The following UNC13A variants were observed in gnomAD, a reference collection of about 807,000 sequenced individuals.
UNC13A encodes the protein unc-13 homolog A, also known as protein unc-13 homolog A.
UNC13A carries 61 observed loss-of-function variants against 219.7 expected under a neutral mutation model. The observed-to-expected ratio is 0.28, with a 90% CI of 0.23 to 0.34. UNC13A has a LOEUF of 0.34. Among genes scored for constraint, UNC13A ranks in the 10% least tolerant of loss-of-function variants. The pLI, the probability that UNC13A is intolerant of heterozygous loss-of-function variation, is 1.00. For synonymous variants in UNC13A, 920 were observed against 884.6 expected (o/e 1.04, Z -0.71); for missense variants, 1,476 against 2,270.3 (o/e 0.65, Z 7.11).
chr19:17,656,747 G>C (rs994817174), intron 9 of UNC13A, among the ~76,000 whole-genome samples: 1 of 151,772 alleles, frequency 6.6e-6, no homozygotes, highest in Non-Finnish European at 1.5e-5. Context: ...AGCTACTCGG[G>C]AGGCTGAGGT....
At chr19:17,635,553 G>A (rs1185889558) in intron 26 of UNC13A, among the ~76,000 whole-genome samples, 2 of 152,048 alleles carry the variant, frequency 1.3e-5, no homozygotes, top group South Asian at 2.1e-4. Flanking sequence ...GTACAATATT[G>A]TACGTTGAAT....
chr19:17,679,811 GC>G (rs2079972027), intron 1 of UNC13A, among the ~76,000 whole-genome samples: 1 of 151,890 alleles, frequency 6.6e-6, no homozygotes. Flanking sequence ...CCCTTCTTGT[GC>G]CCCTCCCTTG....
At chr19:17,632,675 C>G (rs1218917682) in intron 28 of UNC13A, 107 bp downstream of exon 28, 9 of 1,538,190 alleles carry the variant, frequency 5.9e-6, no homozygotes, top group African/African-American at 1.4e-5. Context: ...CACCCATGCC[C>G]CTGATGCCCA....
intron 37 of UNC13A, among the ~76,000 whole-genome samples, chr19:17,621,026 G>A (rs756598557): frequency 8.5e-5 from 13 of 152,124 alleles, no homozygotes; most frequent in Non-Finnish European, 1.6e-4. Flanking sequence ...AGATGAGACA[G>A]GGCTAGGAAT....
chr19:17,686,313 C>T (rs768276290), intron 1 of UNC13A, among the ~76,000 whole-genome samples: 5 of 99,756 alleles, frequency 5.0e-5, no homozygotes, highest in South Asian at 6.7e-4. Context: ...CCCCCCCCCC[C>T]CCCCACTCCA....
At chr19:17,609,382 C>A (rs1363732490) in intron 43 of UNC13A, among the ~76,000 whole-genome samples, 1 of 151,974 alleles carries the variant, frequency 6.6e-6, no homozygotes, top group South Asian at 2.1e-4. Context: ...TGTGACCCCA[C>A]CTCCACCCCA....
In UNC13A at chr19:17,639,182, C is replaced by T; in HGVS notation, c.2982G>A (p.Gln994=). ...QELQSPPRAS[Q]VVKDCVKACL... ...AGGCTTTCACACAGTCCTTTACCAC[C>T]TGGCTGGCTCGGGGCGGGCTCTGGA... is the stretch of plus-strand genomic sequence containing the variant. Residue 994 remains glutamine, a synonymous_variant, in exon 25 of 44, where the codon CAG becomes CAA. Transcript: ENST00000519716. 6.2e-7 allele frequency: 1 copy of T among 1,613,978 alleles called. No homozygotes were observed. The highest frequency in any genetic ancestry group is 8.5e-7 in the Non-Finnish European group (1 of 1,179,926).
Position 17,627,662 on chromosome 19 carries a change from C to G in UNC13A, c.3832-65G>C. 2 of 1,402,264 alleles carry G rather than the reference C, an allele frequency of 1.4e-6. No individual in the cohort carries two copies. The highest frequency in any genetic ancestry group is 2.0e-6 in the Non-Finnish European group (2 of 1,011,082). 86.9% of individuals were successfully genotyped at this position (1,402,264 alleles called of 1,614,324 possible). On this transcript the variant is annotated intron_variant, in intron 32 of 43. Coordinates refer to ENST00000519716, the MANE Select transcript of UNC13A (RefSeq NM_001080421.3). The surrounding 1 kb of genome is among the most constrained non-coding windows in gnomAD (Gnocchi z 4.7). ...TATCCACATGTACTGGGCATTTTCT[C>G]ATCTGACCCAGGGAAAGGGATCCCA...
chr19:17,613,937 C>T (rs1172655383), intron 41 of UNC13A: 1 of 151,886 alleles, frequency 6.6e-6, no homozygotes, highest in Non-Finnish European at 1.5e-5. Flanking sequence ...GTCTCGATCT[C>T]TTGACCTGGT....
At position 17,674,240 on chromosome 19, in the gene UNC13A, C is replaced by T. The variant is rs1951810799; in HGVS notation, c.152+417G>A. Among the ~76,000 whole-genome samples, 1 of 152,010 alleles carries T rather than the reference C, an allele frequency of 6.6e-6. No homozygotes were observed. ...GGGGCAGAGGTGGGTGTGGCTGGGG[C>T]AGGTGAGGGAGATAGAGCGAGAACC... is the stretch of plus-strand genomic sequence containing the variant. On this transcript the variant is annotated intron_variant, in intron 3 of 43. Transcript: ENST00000519716. This position sits in a 1 kb window ranked among gnomAD's most constrained non-coding sequence, Gnocchi z 5.0.
At position 17,621,160 on chromosome 19, in the gene UNC13A, C is replaced by A. The variant is rs181054397; in HGVS notation, c.4243-438G>T. Among the ~76,000 whole-genome samples the A allele has an allele frequency of 1.5e-4, 23 of 152,274 alleles. No homozygotes were observed. In the East Asian group the frequency reaches 3.3e-3, roughly 22 times the overall value. On this transcript the variant is annotated intron_variant, in intron 37 of 43. Transcript: ENST00000519716. ...AAGAACCCATACACTAAACTACATA[C>A]GTGCACTCCTAAACACTTGCAGGCA...
intron 19 of UNC13A, 39 bp from the exon 20 acceptor site, chr19:17,642,999 A>T (rs2076986894): frequency 5.2e-6 from 8 of 1,529,402 alleles, no homozygotes; most frequent in Non-Finnish European, 7.1e-6. Flanking sequence ...AGAACTTCCC[A>T]CTATAGCAGT....
Position 17,605,802 on chromosome 19 carries a change from C to A in UNC13A, c.*252G>T. The A allele has an allele frequency of 2.3e-6, 1 of 435,254 alleles. No homozygotes were observed. The highest frequency in any genetic ancestry group is 3.9e-5 in the East Asian group (1 of 25,466). 27.0% of individuals were successfully genotyped at this position (435,254 alleles called of 1,614,324 possible). On this transcript the variant is annotated 3_prime_UTR_variant, in exon 44 of 44. Transcript: ENST00000519716. ...CAAAATGCCCCCTAGGTGCTGGGGG[C>A]GTGGCCTCAAGTTGGGGATGTGGCT...
intron 1 of UNC13A, among the ~76,000 whole-genome samples, chr19:17,679,897 T>C (rs943729165): frequency 6.6e-6 from 1 of 152,106 alleles, no homozygotes; most frequent in African/African-American, 2.4e-5. Context: ...ATGGTCTCCG[T>C]TGGGGTCCTC....
At chr19:17,628,061 A>C in intron 31 of UNC13A, 121 bp from the exon 32 acceptor site, 1 of 893,660 alleles carries the variant, frequency 1.1e-6, no homozygotes. Context: ...CTGGGGTCCC[A>C]TGGGGTCACC....
chr19:17,645,547 C>G lies in UNC13A; in HGVS notation c.2356+127G>C, dbSNP rs369707629. On this transcript the variant is annotated intron_variant, in intron 19 of 43. Transcript: ENST00000519716. ...AACTGGGCTCCTAGACCCTGCCTCCCCCATCAGATTATGCTCCTCGACCAA... is the reference window on the plus strand; with the variant it reads ...AACTGGGCTCCTAGACCCTGCCTCCGCCATCAGATTATGCTCCTCGACCAA... 1.4e-5 allele frequency: 19 copies of G among 1,356,386 alleles called. No homozygotes were observed. The African/African-American group carries it at 1.9e-4, about 13-fold the overall frequency. 84.0% of individuals were successfully genotyped at this position (1,356,386 alleles called of 1,614,324 possible). A position where few individuals can be genotyped will look rare whatever the true frequency, so the allele number is the denominator to read the frequency against.
intron 21 of UNC13A, among the ~76,000 whole-genome samples, chr19:17,641,004 G>A (rs776464757): frequency 6.7e-6 from 1 of 150,044 alleles, no homozygotes; most frequent in Non-Finnish European, 1.5e-5. Context: ...CTAACTTCCC[G>A]AGTAGCTGGG....
chr19:17,683,799 A>C (rs189828006), intron 1 of UNC13A, among the ~76,000 whole-genome samples: 3 of 152,224 alleles, frequency 2.0e-5, no homozygotes, highest in Admixed American at 2.0e-4. Context: ...TAGAGCCTTT[A>C]AAACATCAGT....
At chr19:17,663,664 C>T (rs1330536350) in intron 7 of UNC13A, 97 bp from the exon 8 acceptor site, 4 of 1,299,924 alleles carry the variant, frequency 3.1e-6, no homozygotes, top group South Asian at 1.3e-5. Context: ...CCCAACTGCT[C>T]CCCCCACCCC....
Sources: gnomAD v4.1 joint callset for allele counts (sites outside exome capture counted in the v4.1 genomes callset) on GRCh38, gnomAD v4.1.1 for gene constraint, Gnocchi (gnomAD v3.1) non-coding constraint, MANE v1.5 for transcripts, NCBI Gene and HGNC (gene_info 2026-07-23, HGNC 2026-07-21) for gene names.